Variants in P2RY14 observed in about 807,000 individuals in gnomAD.
P2RY14 encodes purinergic receptor P2Y14.
Under a neutral mutation model 0.9 loss-of-function variants are expected in P2RY14, and 2 were observed. The observed-to-expected ratio is 2.16, with a 90% CI of 0.88 to 6.79. The LOEUF (loss-of-function observed/expected upper bound fraction) is 6.79, where lower values mean the gene tolerates loss of function less well. Among genes scored for constraint, P2RY14 ranks in the 30% most tolerant of loss-of-function variants. The pLI is 0.05. For missense variants in P2RY14, 378 were observed against 400.1 expected (o/e 0.94, Z 0.47); for synonymous variants, 158 against 147.2 (o/e 1.07, Z -0.53).
At chr3:151,233,427 G>A (rs577067938) in intron 1 of P2RY14, among the ~76,000 whole-genome samples, 1 of 152,258 alleles carries the variant, frequency 6.6e-6, no homozygotes, top group Admixed American at 6.5e-5. Context: ...ATAAGTTAAA[G>A]CACAACAAAA....
chr3:151,269,222 G>GT (rs1577186749), intron 1 of P2RY14, among the ~76,000 whole-genome samples: 1 of 152,180 alleles, frequency 6.6e-6, no homozygotes, highest in East Asian at 1.9e-4. Flanking sequence ...CCAACATGCA[G>GT]AAACCCCATC....
intron 2 of P2RY14, among the ~76,000 whole-genome samples, chr3:151,218,286 C>G (rs188597588): frequency 3.9e-5 from 6 of 152,132 alleles, no homozygotes; most frequent in Non-Finnish European, 7.4e-5. Flanking sequence ...TCATGCCAGT[C>G]CATTAAAGAG....
chr3:151,231,129 G>A lies in P2RY14; in HGVS notation c.-132-11487C>T, dbSNP rs542827537. On this transcript the variant is annotated intron_variant, in intron 1 of 2. Transcript: ENST00000309170. ...ACCAAAACAAATTCAGGAGTTTATG[G>A]TGATATTAAAAGTACAGATTACAAA... is the stretch of plus-strand genomic sequence containing the variant. Among the ~76,000 whole-genome samples, 4 of 152,316 alleles carry A rather than the reference G, an allele frequency of 2.6e-5. No individual in the cohort carries two copies. In the East Asian group the frequency reaches 7.7e-4, roughly 29 times the overall value.
intron 1 of P2RY14, among the ~76,000 whole-genome samples, chr3:151,252,566 A>T (rs1016695019): frequency 6.6e-6 from 1 of 152,050 alleles, no homozygotes; most frequent in Non-Finnish European, 1.5e-5. Context: ...TGCTTCCTTA[A>T]TTTTCTCTTT....
At chr3:151,254,663 A>G (rs777260928) in intron 1 of P2RY14, among the ~76,000 whole-genome samples, 2 of 152,256 alleles carry the variant, frequency 1.3e-5, no homozygotes, top group Non-Finnish European at 2.9e-5. Context: ...GTCCAAGTGC[A>G]TGTTTATGCA....
intron 2 of P2RY14, among the ~76,000 whole-genome samples, chr3:151,218,866 C>T (rs74877787): frequency 4.2e-5 from 3 of 71,334 alleles, no homozygotes; most frequent in Non-Finnish European, 8.4e-5. Flanking sequence ...GACTCAGTCT[C>T]AAAAAAAAAA....
At chr3:151,256,010 A>G (rs1192697174) in intron 1 of P2RY14, among the ~76,000 whole-genome samples, 1 of 152,202 alleles carries the variant, frequency 6.6e-6, no homozygotes, top group African/African-American at 2.4e-5. Context: ...TCTTTTTACT[A>G]TGACAGGCTA....
chr3:151,213,670 G>C lies in P2RY14; in HGVS notation c.647C>G (p.Ser216Cys). 1 of 1,614,122 alleles carries C rather than the reference G, an allele frequency of 6.2e-7. No individual in the cohort carries two copies. Among genetic ancestry groups the C allele is most frequent in the Non-Finnish European group, 8.5e-7 (1 of 1,180,006 alleles). Residue 216 changes from serine to cysteine, a missense_variant, in exon 3 of 3, where the codon TCC becomes TGC. Physicochemically the swap from Ser to Cys is moderately radical, Grantham distance 112. Coordinates refer to ENST00000309170, the MANE Select transcript of P2RY14 (RefSeq NM_014879.4). ...YTAITKKIFKSHLKSSRNSTS... is the reference protein window; with the variant it reads ...YTAITKKIFKCHLKSSRNSTS... Reference sequence around the variant, plus strand: ...GGAATTCCGACTTGACTTAAGGTGGGACTTAAAGATTTTCTTTGTGATAGC... The same window carrying C: ...GGAATTCCGACTTGACTTAAGGTGGCACTTAAAGATTTTCTTTGTGATAGC...
chr3:151,257,269 T>C (rs991751928), intron 1 of P2RY14, among the ~76,000 whole-genome samples: 9 of 152,260 alleles, frequency 5.9e-5, no homozygotes, highest in African/African-American at 2.2e-4. Context: ...TGGCATGTTG[T>C]AGTTTAAATA....
At chr3:151,219,151 G>C (rs950033041) in intron 2 of P2RY14, among the ~76,000 whole-genome samples, 7 of 152,224 alleles carry the variant, frequency 4.6e-5, no homozygotes, top group African/African-American at 1.7e-4. Flanking sequence ...GATTCAATCT[G>C]ATTTAGATAG....
chr3:151,222,302 C>CT (rs71138489), intron 1 of P2RY14, among the ~76,000 whole-genome samples: 105,620 of 152,028 alleles, frequency 0.69, 36,891 homozygotes, highest in African/African-American at 0.75. Context: ...TGAATTGAGA[C>CT]TTGGGGGACT....
chr3:151,238,287 C>T (rs1733349385), intron 1 of P2RY14, among the ~76,000 whole-genome samples: 1 of 152,164 alleles, frequency 6.6e-6, no homozygotes, highest in African/African-American at 2.4e-5. Context: ...GCTGGGACTA[C>T]AGGCACCTGC....
chr3:151,230,877 G>A (rs752872564), intron 1 of P2RY14, among the ~76,000 whole-genome samples: 2 of 152,114 alleles, frequency 1.3e-5, no homozygotes, highest in Non-Finnish European at 2.9e-5. Context: ...ACTCTCACTA[G>A]CCACTGAAAG....
chr3:151,243,457 A>G (rs1734674828), intron 1 of P2RY14, among the ~76,000 whole-genome samples: 1 of 152,160 alleles, frequency 6.6e-6, no homozygotes, highest in Non-Finnish European at 1.5e-5. Flanking sequence ...GTGGGGGCCA[A>G]TATTCAACAT....
rs529505119 is a variant in P2RY14, at chr3:151,247,013, G to GA, written c.-132-27372dup. ...ACATTTATGCAGCCAAAAAACACAT[G>GA]AAAAAATCCTCACTGGCATCAGAGA... On this transcript the variant is annotated intron_variant, in intron 1 of 2. Transcript: ENST00000309170. Among the ~76,000 whole-genome samples, 298 of 152,146 alleles carry GA rather than the reference G, an allele frequency of 2.0e-3. 2 individuals are homozygous for GA. The highest frequency in any genetic ancestry group is 5.9e-3 in the African/African-American group (244 of 41,544).
intron 1 of P2RY14, chr3:151,261,266 A>T (rs762237837): frequency 3.9e-5 from 6 of 152,140 alleles, no homozygotes; most frequent in Non-Finnish European, 8.8e-5. Flanking sequence ...CAAAAGGCAG[A>T]GGTGGAGATA....
chr3:151,215,963 C>T (rs919131983), intron 2 of P2RY14, among the ~76,000 whole-genome samples: 2 of 152,124 alleles, frequency 1.3e-5, no homozygotes, highest in Non-Finnish European at 2.9e-5. Context: ...TTCTCTTTAT[C>T]CTCAAGGCCT....
intron 1 of P2RY14, among the ~76,000 whole-genome samples, chr3:151,224,615 G>T (rs2149286720): frequency 1.3e-5 from 2 of 152,162 alleles, no homozygotes; most frequent in Middle Eastern, 6.8e-3. Flanking sequence ...CCCTCTCTAG[G>T]CTCAGTCAAG....
At chr3:151,276,712 A>G (rs772301663) in intron 1 of P2RY14, among the ~76,000 whole-genome samples, 10 of 152,096 alleles carry the variant, frequency 6.6e-5, no homozygotes, top group Non-Finnish European at 1.3e-4. Context: ...TCTGTTCAGC[A>G]CTTTAGAAGC....
Sources: allele counts gnomAD v4.1 joint callset (sites outside exome capture counted in the v4.1 genomes callset), GRCh38; gene constraint gnomAD v4.1.1; transcripts MANE v1.5; gene names NCBI Gene and HGNC (gene_info 2026-07-23, HGNC 2026-07-21).